LRRTM4: variants seen among roughly 807,000 people sequenced by gnomAD.
The protein encoded by LRRTM4 is leucine rich repeat transmembrane neuronal 4.
LRRTM4 carries 25 observed loss-of-function variants against 47.6 expected under a neutral mutation model. The ratio of observed to expected loss-of-function variants is 0.53; its 90% CI spans 0.38 to 0.73. LRRTM4 has a LOEUF of 0.73. Ranked by LOEUF, LRRTM4 falls within the 30% of genes least tolerant of loss-of-function variation. The pLI, the probability that LRRTM4 is intolerant of heterozygous loss-of-function variation, is 0.00. For synonymous variants in LRRTM4, 311 were observed against 269.5 expected (o/e 1.15, Z -1.51); for missense variants, 638 against 713.4 (o/e 0.89, Z 1.20).
At chr2:77,257,043 G>C (rs780760493) in intron 3 of LRRTM4, among the ~76,000 whole-genome samples, 1 of 152,020 alleles carries the variant, frequency 6.6e-6, no homozygotes, top group African/African-American at 2.4e-5. Context: ...GAAAAATTGC[G>C]TGGTAACATC....
At chr2:76,908,660 T>C (rs1226536585) in intron 3 of LRRTM4, among the ~76,000 whole-genome samples, 2 of 152,104 alleles carry the variant, frequency 1.3e-5, no homozygotes, top group Non-Finnish European at 1.5e-5. Flanking sequence ...GGACACAAAA[T>C]CTCTGTACAA....
intron 3 of LRRTM4, among the ~76,000 whole-genome samples, chr2:76,916,384 CAA>C (rs57874749): frequency 7.5e-5 from 4 of 53,504 alleles, no homozygotes; most frequent in South Asian, 5.9e-4. Flanking sequence ...GACTGTGTCT[CAA>C]AAAAAAAAAA....
At chr2:76,807,386 ATATATATAT>A (rs1670518796) in intron 3 of LRRTM4, among the ~76,000 whole-genome samples, 1 of 126,486 alleles carries the variant, frequency 7.9e-6, no homozygotes, top group African/African-American at 3.6e-5. Flanking sequence ...TTCATTTTAT[ATATATATAT>A]ATATGTATAT....
chr2:77,052,808 C>T (rs983047500), intron 3 of LRRTM4, among the ~76,000 whole-genome samples: 1 of 152,030 alleles, frequency 6.6e-6, no homozygotes, highest in East Asian at 1.9e-4. Context: ...GACGCTGACA[C>T]AGAATTTTTT....
intron 3 of LRRTM4, among the ~76,000 whole-genome samples, chr2:77,231,176 G>T (rs528822123): frequency 6.6e-6 from 1 of 151,676 alleles, no homozygotes; most frequent in African/African-American, 2.4e-5. Flanking sequence ...AACCCATGGC[G>T]TGAGGATAAA....
At chr2:77,431,178 G>A (rs755074640) in intron 3 of LRRTM4, among the ~76,000 whole-genome samples, 13 of 148,802 alleles carry the variant, frequency 8.7e-5, no homozygotes, top group East Asian at 1.9e-4. Context: ...AAATCTTCTC[G>A]TCTATCTCTA....
intron 3 of LRRTM4, among the ~76,000 whole-genome samples, chr2:77,308,805 C>T (rs1417124983): frequency 1.7e-5 from 2 of 120,476 alleles, no homozygotes; most frequent in South Asian, 2.8e-4. Flanking sequence ...TTTGTTTTTG[C>T]TTTTGGTAGC....
chr2:76,923,509 T>C (rs1482208711), intron 3 of LRRTM4, among the ~76,000 whole-genome samples: 1 of 152,064 alleles, frequency 6.6e-6, no homozygotes, highest in Non-Finnish European at 1.5e-5. Flanking sequence ...ATTTCTGTCA[T>C]AGAAAATTTC....
intron 3 of LRRTM4, among the ~76,000 whole-genome samples, chr2:76,768,304 A>G (rs1673536558): frequency 6.6e-6 from 1 of 152,184 alleles, no homozygotes; most frequent in Admixed American, 6.5e-5. Context: ...ATTTTTCACA[A>G]CAAATACACA....
intron 3 of LRRTM4, among the ~76,000 whole-genome samples, chr2:76,781,416 G>A (rs112914074): frequency 0.02 from 3,032 of 152,326 alleles, 110 homozygotes; most frequent in African/African-American, 0.066. Flanking sequence ...CTCCGTGGGC[G>A]TAGGACCCTC....
At chr2:76,902,212 A>G (rs1323848510) in intron 3 of LRRTM4, among the ~76,000 whole-genome samples, 2 of 152,060 alleles carry the variant, frequency 1.3e-5, no homozygotes, top group African/African-American at 4.8e-5. Context: ...TACACTGTCT[A>G]TTTTTTACAG....
intron 3 of LRRTM4, among the ~76,000 whole-genome samples, chr2:77,176,463 G>GCTCTAGTGGTTCTTAA (rs1159975329): frequency 6.6e-6 from 1 of 152,270 alleles, no homozygotes; most frequent in East Asian, 1.9e-4. Flanking sequence ...TGTAGGCATT[G>GCTCTAGTGGTTCTTAA]CTCTAGTGGT....
At chr2:77,086,035 T>A (rs887059424) in intron 3 of LRRTM4, among the ~76,000 whole-genome samples, 3 of 152,164 alleles carry the variant, frequency 2.0e-5, no homozygotes, top group African/African-American at 7.2e-5. Context: ...AATTCAATTT[T>A]AAAAATATCC....
intron 3 of LRRTM4, among the ~76,000 whole-genome samples, chr2:76,763,735 T>C (rs996747836): frequency 4.6e-5 from 7 of 152,122 alleles, no homozygotes; most frequent in African/African-American, 1.7e-4. Flanking sequence ...GCTAGAAAAA[T>C]ACTAGGTTGT....
At chr2:77,435,124 C>T (rs72921922) in intron 3 of LRRTM4, among the ~76,000 whole-genome samples, 6,011 of 151,870 alleles carry the variant, frequency 0.04, 140 homozygotes, top group South Asian at 0.05. Flanking sequence ...GTGATGACAA[C>T]AAAAATCTCT....
At chr2:77,359,822 A>G (rs1310837883) in intron 3 of LRRTM4, among the ~76,000 whole-genome samples, 9 of 152,186 alleles carry the variant, frequency 5.9e-5, no homozygotes, top group African/African-American at 2.2e-4. Context: ...TAAGATACAC[A>G]AAGTGCCTGG....
At chr2:77,469,643 T>C (rs1370086394) in intron 3 of LRRTM4, among the ~76,000 whole-genome samples, 2 of 152,144 alleles carry the variant, frequency 1.3e-5, no homozygotes, top group Admixed American at 6.5e-5. Flanking sequence ...GATGATGAAT[T>C]GTGGCAAACT....
intron 3 of LRRTM4, among the ~76,000 whole-genome samples, chr2:76,962,308 T>C (rs1488302479): frequency 4.0e-5 from 6 of 151,186 alleles, no homozygotes. Context: ...GTAATACGTA[T>C]TGGTGGATAA....
intron 3 of LRRTM4, among the ~76,000 whole-genome samples, chr2:76,967,377 A>C (rs1438976291): frequency 6.6e-6 from 1 of 151,472 alleles, no homozygotes; most frequent in Non-Finnish European, 1.5e-5. Context: ...TCCACTCACC[A>C]ATCTATCGTG....
Sources: gnomAD v4.1 joint callset for allele counts (sites outside exome capture counted in the v4.1 genomes callset) on GRCh38, gnomAD v4.1.1 for gene constraint, MANE v1.5 for transcripts, NCBI Gene and HGNC (gene_info 2026-07-23, HGNC 2026-07-21) for gene names.